Variants in PPM1L observed in about 807,000 individuals in gnomAD.
The protein encoded by PPM1L is protein phosphatase 1L.
In PPM1L, 13 loss-of-function variants were observed where a neutral mutation model predicts 31.4. The observed-to-expected ratio is 0.41, with a 90% CI of 0.27 to 0.66. The LOEUF is 0.66. Among genes scored for constraint, PPM1L ranks in the 30% least tolerant of loss-of-function variants. The probability of loss-of-function intolerance (pLI) is 0.29; values close to 1 mark genes in which losing one functional copy is unlikely to be tolerated. For missense variants in PPM1L, 326 were observed against 453.7 expected (o/e 0.72, Z 2.56); for synonymous variants, 184 against 175.4 (o/e 1.05, Z -0.39).
chr3:161,027,102 C>T (rs552977516), intron 2 of PPM1L, among the ~76,000 whole-genome samples: 15 of 152,300 alleles, frequency 9.8e-5, no homozygotes, highest in Middle Eastern at 3.4e-3. Context: ...TTTAAATAAG[C>T]TAACTGATGT....
chr3:161,044,067 T>C (rs1718986024), intron 2 of PPM1L, among the ~76,000 whole-genome samples: 1 of 152,140 alleles, frequency 6.6e-6, no homozygotes, highest in Non-Finnish European at 1.5e-5. Flanking sequence ...TGAGACGGAG[T>C]CTTGCTCTGT....
intron 2 of PPM1L, among the ~76,000 whole-genome samples, chr3:160,970,445 A>ATT (rs1491444648): frequency 2.1e-4 from 7 of 33,476 alleles, no homozygotes; most frequent in South Asian, 7.9e-4. Context: ...ACCAAGCTGA[A>ATT]TATTTTTTTT....
intron 1 of PPM1L, among the ~76,000 whole-genome samples, chr3:160,903,855 T>C (rs1039101356): frequency 5.9e-5 from 9 of 152,196 alleles, no homozygotes; most frequent in African/African-American, 2.2e-4. Context: ...TGGATAGATA[T>C]ATAATACTGT....
At position 161,067,643 on chromosome 3, in the gene PPM1L, GC is replaced by G. The variant is rs1719780433; in HGVS notation, c.737-1166del. On this transcript the variant is annotated intron_variant, in intron 3 of 3. Coordinates refer to ENST00000498165, the MANE Select transcript of PPM1L (RefSeq NM_139245.4). ...TTGATAATATTATTCTCATTTTGTA[GC>G]CAACAAACTGGAACTTCACAGAGGC... 2.0e-5 allele frequency among the ~76,000 whole-genome samples: 3 copies of G among 152,276 alleles called. No individual in the cohort carries two copies. The South Asian group carries it at 6.2e-4, about 32-fold the overall frequency.
chr3:160,880,629 TA>T (rs34829611), intron 1 of PPM1L, among the ~76,000 whole-genome samples: 60,305 of 147,018 alleles, frequency 0.41, 14,790 homozygotes, highest in Non-Finnish European at 0.57. Context: ...ATTCTGTGGT[TA>T]AAAAAAAAAA....
intron 1 of PPM1L, among the ~76,000 whole-genome samples, chr3:160,791,991 G>T (rs185801716): frequency 3.5e-4 from 54 of 152,224 alleles, no homozygotes; most frequent in Non-Finnish European, 6.0e-4. Context: ...AGGGGAGTTT[G>T]GAGTTTTTCA....
At chr3:160,771,806 A>G (rs1480723775) in intron 1 of PPM1L, among the ~76,000 whole-genome samples, 1 of 151,736 alleles carries the variant, frequency 6.6e-6, no homozygotes, top group Non-Finnish European at 1.5e-5. Flanking sequence ...GAATATAGAG[A>G]TGGGCACTCA....
rs1712879654 is a variant in PPM1L, at chr3:160,885,419, G to T, written c.400-76317G>T. Among the ~76,000 whole-genome samples the T allele has an allele frequency of 2.0e-5, 3 of 152,194 alleles. No homozygotes were observed. In the South Asian group the frequency reaches 6.2e-4, roughly 31 times the overall value. ...GTGTTGCTATAAAGAAATACATGAG[G>T]GGGGCAAGGCCAAGATGGCCAACTA... On this transcript the variant is annotated intron_variant, in intron 1 of 3. Coordinates refer to ENST00000498165, the MANE Select transcript of PPM1L (RefSeq NM_139245.4).
chr3:160,975,372 A>G (rs1480047614), intron 2 of PPM1L, among the ~76,000 whole-genome samples: 4 of 152,034 alleles, frequency 2.6e-5, no homozygotes, highest in African/African-American at 9.7e-5. Flanking sequence ...TTTTGGTTCC[A>G]TATGAACTTT....
chr3:160,957,358 G>T (rs1715807812), intron 1 of PPM1L, among the ~76,000 whole-genome samples: 1 of 152,144 alleles, frequency 6.6e-6, no homozygotes, highest in Non-Finnish European at 1.5e-5. Context: ...GTGCTGCAAT[G>T]AGCATATGCG....
At chr3:160,798,135 G>A (rs944864509) in intron 1 of PPM1L, among the ~76,000 whole-genome samples, 30 of 152,038 alleles carry the variant, frequency 2.0e-4, no homozygotes, top group Non-Finnish European at 2.9e-5. Flanking sequence ...CCGAGATCAC[G>A]CCATTGCACT....
In PPM1L at chr3:161,071,938, G is replaced by T. The variant is rs1030085688; in HGVS notation, c.*2781G>T. 1 of 152,166 alleles carries T rather than the reference G, an allele frequency of 6.6e-6. No homozygotes were observed. The highest frequency in any genetic ancestry group is 1.5e-5 in the Non-Finnish European group (1 of 68,046). The allele number at this position is 152,166 out of a possible 1,614,324, so 9.4% of individuals were successfully genotyped here. ...GCTTCCTAGACTCCCTAGCTAGCTC[G>T]AGTTCGAATTGCCAATAGTCCCCAT... On this transcript the variant is annotated 3_prime_UTR_variant, in exon 4 of 4. Transcript: ENST00000498165.
At chr3:160,968,503 A>C (rs1354396515) in intron 2 of PPM1L, among the ~76,000 whole-genome samples, 1 of 152,164 alleles carries the variant, frequency 6.6e-6, no homozygotes, top group Non-Finnish European at 1.5e-5. Flanking sequence ...AAGAGAGGGA[A>C]TCTTTCCTCA....
At chr3:160,854,660 G>A (rs967600629) in intron 1 of PPM1L, among the ~76,000 whole-genome samples, 8 of 151,810 alleles carry the variant, frequency 5.3e-5, no homozygotes, top group African/African-American at 1.7e-4. Flanking sequence ...GATCAGGGAG[G>A]TAAAAGATTT....
At chr3:160,795,699 A>C (rs1382485414) in intron 1 of PPM1L, among the ~76,000 whole-genome samples, 1 of 152,216 alleles carries the variant, frequency 6.6e-6, no homozygotes, top group African/African-American at 2.4e-5. Flanking sequence ...AATATCGAAC[A>C]ATTTAAAAGT....
At chr3:161,058,699 C>G (rs921076749) in intron 2 of PPM1L, among the ~76,000 whole-genome samples, 4 of 152,074 alleles carry the variant, frequency 2.6e-5, no homozygotes, top group Non-Finnish European at 5.9e-5. Flanking sequence ...CTGCCCTCCC[C>G]ACTCTGAATG....
chr3:160,784,127 T>G (rs542557519), intron 1 of PPM1L, among the ~76,000 whole-genome samples: 3 of 152,318 alleles, frequency 2.0e-5, no homozygotes, highest in Non-Finnish European at 4.4e-5. Context: ...TTTAATAATT[T>G]TAATGTACTT....
chr3:160,864,410 C>T (rs1427867109), intron 1 of PPM1L, among the ~76,000 whole-genome samples: 1 of 152,136 alleles, frequency 6.6e-6, no homozygotes, highest in African/African-American at 2.4e-5. Flanking sequence ...CACCTGGGCC[C>T]AAGCAGTCTG....
At chr3:160,830,570 A>G (rs1465303398) in intron 1 of PPM1L, among the ~76,000 whole-genome samples, 1 of 152,224 alleles carries the variant, frequency 6.6e-6, no homozygotes. Context: ...AAGTTAAATC[A>G]TAGTTATGCT....
Sources: allele counts gnomAD v4.1 joint callset (sites outside exome capture counted in the v4.1 genomes callset), GRCh38; gene constraint gnomAD v4.1.1; transcripts MANE v1.5; gene names NCBI Gene and HGNC (gene_info 2026-07-23, HGNC 2026-07-21).